Variants in EIF4G3 observed in about 807,000 individuals in gnomAD.
The protein encoded by EIF4G3 is eukaryotic translation initiation factor 4 gamma 3, also known as eIF-4-gamma 3.
Under a neutral mutation model 186.4 loss-of-function variants are expected in EIF4G3, and 34 were observed. The ratio of observed to expected loss-of-function variants is 0.18; its 90% CI spans 0.14 to 0.24. The LOEUF is 0.24. Among genes scored for constraint, EIF4G3 ranks in the 10% least tolerant of loss-of-function variants. The probability of loss-of-function intolerance (pLI) is 1.00; values close to 1 mark genes in which losing one functional copy is unlikely to be tolerated. For missense variants in EIF4G3, 1,536 were observed against 1,948.5 expected (o/e 0.79, Z 3.99); for synonymous variants, 673 against 679.5 (o/e 0.99, Z 0.15).
intron 2 of EIF4G3, among the ~76,000 whole-genome samples, chr1:21,117,993 A>T (rs960735991): frequency 4.6e-5 from 7 of 152,128 alleles, no homozygotes; most frequent in Non-Finnish European, 7.3e-5. Context: ...TTTATCTCAC[A>T]TTGGCCCCTG....
At chr1:20,968,875 A>C (rs1025266836) in intron 12 of EIF4G3, among the ~76,000 whole-genome samples, 4 of 152,328 alleles carry the variant, frequency 2.6e-5, no homozygotes, top group African/African-American at 7.2e-5. Flanking sequence ...GAACTTGAAC[A>C]ACCACGAATT....
intron 10 of EIF4G3, among the ~76,000 whole-genome samples, chr1:20,979,432 G>A (rs926150425): frequency 8.5e-5 from 13 of 152,054 alleles, no homozygotes; most frequent in African/African-American, 3.1e-4. Flanking sequence ...TAGGGGCTGG[G>A]GATATAGCAG....
chr1:20,929,072 G>T (rs1312166989), intron 14 of EIF4G3, among the ~76,000 whole-genome samples: 1 of 152,078 alleles, frequency 6.6e-6, no homozygotes, highest in Non-Finnish European at 1.5e-5. Context: ...TCCTTATCAT[G>T]GTCCGATATT....
chr1:21,074,188 T>C (rs1358752611), intron 3 of EIF4G3, among the ~76,000 whole-genome samples: 2 of 152,180 alleles, frequency 1.3e-5, no homozygotes, highest in Non-Finnish European at 2.9e-5. Context: ...TAATTCTTTA[T>C]CATGAGATTG....
At chr1:20,854,914 A>C in intron 26 of EIF4G3, 64 bp downstream of exon 26, 1 of 1,338,114 alleles carries the variant, frequency 7.5e-7, no homozygotes, top group Non-Finnish European at 1.1e-6. Context: ...TGACTATGGG[A>C]ATGCGCTGTA....
chr1:21,023,266 C>T (rs1336841638), intron 4 of EIF4G3, among the ~76,000 whole-genome samples: 2 of 131,942 alleles, frequency 1.5e-5, no homozygotes, highest in Non-Finnish European at 3.3e-5. Flanking sequence ...CTCCCCCTCC[C>T]TCTCCCTCTC....
chr1:20,965,708 A>T (rs1421418291), intron 12 of EIF4G3, among the ~76,000 whole-genome samples: 2 of 69,550 alleles, frequency 2.9e-5, no homozygotes, highest in East Asian at 4.5e-4. Context: ...TCTGTGGTAA[A>T]GCCTTCCCAC....
At chr1:20,855,406 T>TA (rs1158830725) in intron 25 of EIF4G3, among the ~76,000 whole-genome samples, 2 of 152,170 alleles carry the variant, frequency 1.3e-5, no homozygotes, top group Non-Finnish European at 2.9e-5. Context: ...ATTTTAAAAA[T>TA]AAAAAATACA....
chr1:21,120,577 G>C (rs181729817), intron 2 of EIF4G3, among the ~76,000 whole-genome samples: 1 of 137,096 alleles, frequency 7.3e-6, no homozygotes, highest in African/African-American at 2.8e-5. Context: ...AGCGAGCCGA[G>C]ATCACTACAG....
At chr1:20,898,028 C>G (rs978028641) in intron 16 of EIF4G3, among the ~76,000 whole-genome samples, 2 of 152,110 alleles carry the variant, frequency 1.3e-5, no homozygotes, top group African/African-American at 4.8e-5. Context: ...TACAAGTACT[C>G]TGTGACCTGG....
chr1:20,811,773 C>T (rs770480710), intron 35 of EIF4G3, among the ~76,000 whole-genome samples: 2 of 151,744 alleles, frequency 1.3e-5, no homozygotes, highest in Admixed American at 6.6e-5. Flanking sequence ...CACATTGTAC[C>T]CCATAAACAT....
At chr1:21,100,751 C>T (rs763113401) in intron 2 of EIF4G3, among the ~76,000 whole-genome samples, 16 of 148,368 alleles carry the variant, frequency 1.1e-4, no homozygotes, top group Middle Eastern at 3.5e-3. Flanking sequence ...GCTTATCCTG[C>T]GAATCTACAC....
intron 2 of EIF4G3, among the ~76,000 whole-genome samples, chr1:21,147,608 G>A (rs1476015614): frequency 2.6e-5 from 4 of 152,004 alleles, no homozygotes; most frequent in African/African-American, 9.7e-5. Flanking sequence ...TGGGATTACA[G>A]GTGTGAGCCA....
chr1:20,812,513 C>T (rs1266088820), intron 35 of EIF4G3, among the ~76,000 whole-genome samples: 2 of 152,122 alleles, frequency 1.3e-5, no homozygotes, highest in South Asian at 2.1e-4. Context: ...TTCTGAGACA[C>T]CTTTGCACTG....
At chr1:20,896,435 CAA>C (rs201025308) in intron 16 of EIF4G3, among the ~76,000 whole-genome samples, 8 of 54,674 alleles carry the variant, frequency 1.5e-4, no homozygotes, top group East Asian at 4.6e-4. Context: ...GATTCTATCT[CAA>C]AAAAAAAAAA....
At chr1:21,039,595 G>A (rs1371357399) in intron 4 of EIF4G3, among the ~76,000 whole-genome samples, 2 of 152,104 alleles carry the variant, frequency 1.3e-5, no homozygotes, top group Admixed American at 6.5e-5. Flanking sequence ...TCCCAGAGAC[G>A]GAAGCTACAG....
At chr1:21,124,450 T>C (rs758173278) in intron 2 of EIF4G3, among the ~76,000 whole-genome samples, 1 of 152,218 alleles carries the variant, frequency 6.6e-6, no homozygotes, top group African/African-American at 2.4e-5. Flanking sequence ...GCAAAGCTGA[T>C]ACTTTATTAT....
chr1:20,810,832 C>A lies in EIF4G3; in HGVS notation c.4650G>T (p.Pro1550=). 2 of 1,614,030 alleles carry A rather than the reference C, an allele frequency of 1.2e-6. No homozygotes were observed. Among genetic ancestry groups the A allele is most frequent in the Admixed American group, 1.7e-5 (1 of 60,020 alleles). ...CTGAGTCTAGGTACTTGAGTAAGAT[C>A]GGCACTCTCTGCTTGATAACAGCAG... The part of the protein sequence containing the change: ...VDTAVIKQRV[P]ILLKYLDSDT... Residue 1550 remains proline, a synonymous_variant, in exon 36 of 37, where the codon CCG becomes CCT. Coordinates refer to ENST00000602326, the MANE Select transcript of EIF4G3 (RefSeq NM_001391906.1). This position sits in a 1 kb window ranked among gnomAD's most constrained non-coding sequence, Gnocchi z 4.1.
intron 18 of EIF4G3, among the ~76,000 whole-genome samples, chr1:20,890,795 C>G (rs998365968): frequency 6.6e-6 from 1 of 152,204 alleles, no homozygotes; most frequent in African/African-American, 2.4e-5. Context: ...TGTCCTATGA[C>G]ATTCCCATCT....
Sources: gnomAD v4.1 joint callset for allele counts (sites outside exome capture counted in the v4.1 genomes callset) on GRCh38, gnomAD v4.1.1 for gene constraint, Gnocchi (gnomAD v3.1) non-coding constraint, MANE v1.5 for transcripts, NCBI Gene and HGNC (gene_info 2026-07-23, HGNC 2026-07-21) for gene names.